Variants in TMEM131 observed in about 807,000 individuals in gnomAD.
TMEM131 encodes transmembrane protein 131, also known as 2610524E03Rik.
Under a neutral mutation model 211.6 loss-of-function variants are expected in TMEM131, and 66 were observed. That is an observed-to-expected ratio of 0.31 (90% CI 0.26 to 0.38). The LOEUF (loss-of-function observed/expected upper bound fraction) is 0.38, where lower values mean the gene tolerates loss of function less well. Among genes scored for constraint, TMEM131 ranks in the 10% least tolerant of loss-of-function variants. TMEM131 has a pLI of 1.00. For synonymous variants in TMEM131, 844 were observed against 841.3 expected (o/e 1.00, Z -0.06); for missense variants, 2,036 against 2,299.3 (o/e 0.89, Z 2.34).
intron 1 of TMEM131, among the ~76,000 whole-genome samples, chr2:97,970,189 A>T (rs1022338548): frequency 6.6e-6 from 1 of 152,188 alleles, no homozygotes; most frequent in Non-Finnish European, 1.5e-5. Context: ...GAATAAATAA[A>T]ACACAGTACC....
chr2:97,798,550 C>T lies in TMEM131; in HGVS notation c.2719-1034G>A, dbSNP rs182909126. On this transcript the variant is annotated intron_variant, in intron 25 of 40. Coordinates refer to ENST00000186436, the MANE Select transcript of TMEM131 (RefSeq NM_015348.2). ...TTAATTCTTGCTTCTGAGGTAAATA[C>T]GGTTGTCTCTGTACATGCCAGAGAT... 5.9e-5 allele frequency among the ~76,000 whole-genome samples: 9 copies of T among 152,334 alleles called. No individual in the cohort carries two copies. The East Asian group carries it at 7.7e-4, about 13-fold the overall frequency.
chr2:97,809,648 A>G (rs376104193), intron 19 of TMEM131, 40 bp downstream of exon 19: 288 of 1,499,808 alleles, frequency 1.9e-4, no homozygotes, highest in Non-Finnish European at 2.6e-4. Context: ...GCAAAGGCAA[A>G]AAACGAGCAA....
chr2:97,875,018 G>A (rs901249809), intron 4 of TMEM131, among the ~76,000 whole-genome samples: 1 of 152,044 alleles, frequency 6.6e-6, no homozygotes, highest in East Asian at 1.9e-4. Context: ...ATGGATGGAG[G>A]AATATTTACC....
At chr2:97,849,620 A>G (rs781615895) in intron 5 of TMEM131, among the ~76,000 whole-genome samples, 2 of 151,912 alleles carry the variant, frequency 1.3e-5, no homozygotes, top group African/African-American at 2.4e-5. Flanking sequence ...CAAGTATACT[A>G]TAATTTAAAA....
Position 97,833,438 on chromosome 2 carries a change from G to C in TMEM131, c.1013-12C>G. On this transcript the variant is annotated splice_polypyrimidine_tract_variant and intron_variant, in intron 10 of 40. Transcript: ENST00000186436. ...AACTTTTGGTAGATCTGTTAAAATTGAGGAAAAGAAATATTTCTTAAAAAG... is the reference window on the plus strand; with the variant it reads ...AACTTTTGGTAGATCTGTTAAAATTCAGGAAAAGAAATATTTCTTAAAAAG... 1 of 1,232,694 alleles carries C rather than the reference G, an allele frequency of 8.1e-7. No individual in the cohort carries two copies. The allele number at this position is 1,232,694 out of a possible 1,614,324, so 76.4% of individuals were successfully genotyped here.
chr2:97,929,560 A>G (rs2104450729), intron 1 of TMEM131, among the ~76,000 whole-genome samples: 1 of 151,778 alleles, frequency 6.6e-6, no homozygotes, highest in Admixed American at 6.5e-5. Flanking sequence ...AGTTAATTAG[A>G]TTACATTACC....
intron 4 of TMEM131, among the ~76,000 whole-genome samples, chr2:97,885,204 ATTTT>A (rs924887853): frequency 1.3e-5 from 2 of 149,034 alleles, no homozygotes; most frequent in Admixed American, 1.3e-4. Flanking sequence ...TTTGTGAAAG[ATTTT>A]TTTTTTTGAG....
chr2:97,859,795 T>C (rs553515509), intron 4 of TMEM131, among the ~76,000 whole-genome samples: 90 of 152,344 alleles, frequency 5.9e-4, no homozygotes, highest in African/African-American at 2.0e-3. Flanking sequence ...AGATACGTGC[T>C]CTTCATTTTA....
chr2:97,985,847 G>A (rs1055210538), intron 1 of TMEM131, among the ~76,000 whole-genome samples: 9 of 151,644 alleles, frequency 5.9e-5, no homozygotes, highest in Non-Finnish European at 8.8e-5. Context: ...ACGGACTGAA[G>A]AAATAGAGAT....
intron 1 of TMEM131, among the ~76,000 whole-genome samples, chr2:97,943,164 C>T (rs890205996): frequency 1.3e-5 from 2 of 151,872 alleles, no homozygotes; most frequent in African/African-American, 4.8e-5. Flanking sequence ...AGAAAGATTG[C>T]TTAAACCCAG....
Position 97,977,569 on chromosome 2 carries a change from T to C in TMEM131, c.187+17907A>G, listed in dbSNP as rs531721367. 2.0e-5 allele frequency among the ~76,000 whole-genome samples: 3 copies of C among 152,376 alleles called. No individual in the cohort carries two copies. The East Asian group carries it at 5.8e-4, about 29-fold the overall frequency. On this transcript the variant is annotated intron_variant, in intron 1 of 40. Transcript: ENST00000186436. Reference sequence around the variant, plus strand: ...AGTTTTCTTGATTTCCCAGTGCTTATAAAAGCTACATTTACACTGTATTGT... The same window carrying C: ...AGTTTTCTTGATTTCCCAGTGCTTACAAAAGCTACATTTACACTGTATTGT...
chr2:97,832,811 G>A (rs17022803), intron 11 of TMEM131, among the ~76,000 whole-genome samples: 4,429 of 152,164 alleles, frequency 0.029, 80 homozygotes, highest in Middle Eastern at 0.065. Flanking sequence ...AATTCCATAT[G>A]GCCTAAAAGT....
intron 8 of TMEM131, among the ~76,000 whole-genome samples, chr2:97,835,191 T>C (rs1682884830): frequency 6.6e-6 from 1 of 152,184 alleles, no homozygotes; most frequent in African/African-American, 2.4e-5. Context: ...GAAAACAAAT[T>C]GTCAGTTACA....
chr2:97,955,523 G>A (rs561192984), intron 1 of TMEM131, among the ~76,000 whole-genome samples: 1 of 152,202 alleles, frequency 6.6e-6, no homozygotes, highest in African/African-American at 2.4e-5. Context: ...CAAATGATAC[G>A]ATCGTTTACA....
At chr2:97,821,308 C>G (rs1466464616) in intron 11 of TMEM131, among the ~76,000 whole-genome samples, 2 of 152,154 alleles carry the variant, frequency 1.3e-5, no homozygotes, top group African/African-American at 2.4e-5. Flanking sequence ...AGCTAAAGGA[C>G]TGTAAATGCA....
chr2:97,775,683 G>C (rs547507385), intron 32 of TMEM131, among the ~76,000 whole-genome samples, 160 bp downstream of exon 32: 1 of 152,254 alleles, frequency 6.6e-6, no homozygotes, highest in East Asian at 1.9e-4. Context: ...AATGACTCTG[G>C]AGGCACGCCC....
intron 25 of TMEM131, among the ~76,000 whole-genome samples, 194 bp from the exon 26 acceptor site, chr2:97,797,710 C>T (rs1326021706): frequency 6.6e-6 from 1 of 152,234 alleles, no homozygotes; most frequent in African/African-American, 2.4e-5. Flanking sequence ...TCATATTCTA[C>T]ATTAAGTCCA....
chr2:97,837,128 G>T lies in TMEM131; in HGVS notation c.753C>A (p.Asp251Glu). The T allele has an allele frequency of 6.2e-7, 1 of 1,609,410 alleles. No individual in the cohort carries two copies. Among genetic ancestry groups the T allele is most frequent in the Non-Finnish European group, 8.5e-7 (1 of 1,178,234 alleles). ...GACCCGTTGGGAGTTCTAGGTGAAGGTCTCCTCCACTAGAGTACATTTCTA... is the reference window on the plus strand; with the variant it reads ...GACCCGTTGGGAGTTCTAGGTGAAGTTCTCCTCCACTAGAGTACATTTCTA... ...QVVEMYSSGG[D>E]LHLELPTGQQ... Residue 251 changes from aspartate (D) to glutamate (E), a missense_variant, in exon 8 of 41, where the codon GAC becomes GAA. Around this residue, in one of 3 missense-constraint regions of TMEM131, gnomAD observed 277 missense variants for 378.0 expected, o/e 0.73. Coordinates refer to ENST00000186436, the MANE Select transcript of TMEM131 (RefSeq NM_015348.2).
chr2:97,914,936 T>C (rs1676445438), intron 2 of TMEM131, among the ~76,000 whole-genome samples: 2 of 152,246 alleles, frequency 1.3e-5, no homozygotes, highest in South Asian at 4.1e-4. Context: ...CATGTTTAGA[T>C]TTATACGAAA....
Sources: allele counts gnomAD v4.1 joint callset (sites outside exome capture counted in the v4.1 genomes callset), GRCh38; gene constraint gnomAD v4.1.1; regional missense constraint gnomAD v4.1.1; transcripts MANE v1.5; gene names NCBI Gene and HGNC (gene_info 2026-07-23, HGNC 2026-07-21).